CYP4F3: variants seen among roughly 807,000 people sequenced by gnomAD.
CYP4F3 encodes the protein cytochrome P450 family 4 subfamily F member 3.
A neutral mutation model predicts 54.8 loss-of-function variants in CYP4F3; 50 were observed. That is an observed-to-expected ratio of 0.91 (90% CI 0.73 to 1.16). The LOEUF is 1.16. Ranked by LOEUF, CYP4F3 falls within the 50% of genes most tolerant of loss-of-function variation. The pLI is 0.00. For synonymous variants in CYP4F3, 244 were observed against 262.6 expected (o/e 0.93, Z 0.69); for missense variants, 715 against 676.2 (o/e 1.06, Z -0.64).
intron 7 of CYP4F3, among the ~76,000 whole-genome samples, chr19:15,650,450 A>G (rs1458537355): frequency 6.6e-6 from 1 of 152,190 alleles, no homozygotes; most frequent in Non-Finnish European, 1.5e-5. Context: ...CTATATATCT[A>G]CATCTATACC....
intron 2 of CYP4F3, among the ~76,000 whole-genome samples, chr19:15,643,134 G>A (rs1972514860): frequency 6.6e-6 from 1 of 151,866 alleles, no homozygotes; most frequent in African/African-American, 2.4e-5. Context: ...AAGTTAGATA[G>A]GATGAATAGA....
chr19:15,659,544 G>A lies in CYP4F3; in HGVS notation c.*159G>A. 2 of 1,200,744 alleles carry A rather than the reference G, an allele frequency of 1.7e-6. No homozygotes were observed. Among genetic ancestry groups the A allele is most frequent in the Non-Finnish European group, 2.3e-6 (2 of 881,550 alleles). The allele number at this position is 1,200,744 out of a possible 1,614,324, so 74.4% of individuals were successfully genotyped here. A position where few individuals can be genotyped will look rare whatever the true frequency, so the allele number is the denominator to read the frequency against. On this transcript the variant is annotated 3_prime_UTR_variant, in exon 13 of 13. Transcript: ENST00000221307. The stretch of plus-strand genomic sequence containing the variant: ...AGTGTTCAAACAGAAAGACGCTTGT[G>A]CGTGAATGTTCATGGCAGCCCTATT...
intron 3 of CYP4F3, among the ~76,000 whole-genome samples, chr19:15,646,445 G>A (rs1359768056): frequency 2.0e-5 from 3 of 152,196 alleles, no homozygotes; most frequent in Admixed American, 6.5e-5. Context: ...GTGAGGAACA[G>A]TCTGGGTCAC....
intron 12 of CYP4F3, 150 bp from the exon 13 acceptor site, chr19:15,659,070 A>C: frequency 5.5e-6 from 7 of 1,261,800 alleles, no homozygotes; most frequent in Non-Finnish European, 7.6e-6. Flanking sequence ...AGGATATGCA[A>C]GCCCACATGG....
intron 3 of CYP4F3, among the ~76,000 whole-genome samples, 182 bp downstream of exon 3, chr19:15,646,045 G>T (rs548491616): frequency 6.6e-6 from 1 of 152,322 alleles, no homozygotes; most frequent in Non-Finnish European, 1.5e-5. Flanking sequence ...GTTCCTGTTT[G>T]CTCATGTCTG....
intron 2 of CYP4F3, among the ~76,000 whole-genome samples, chr19:15,642,757 T>A (rs890942107): frequency 6.6e-5 from 10 of 152,158 alleles, no homozygotes; most frequent in Middle Eastern, 6.8e-3. Flanking sequence ...ATAGGATAGA[T>A]GGATGGATGG....
chr19:15,648,379 T>TA (rs1285431081), intron 5 of CYP4F3, among the ~76,000 whole-genome samples: 3 of 151,774 alleles, frequency 2.0e-5, no homozygotes, highest in Non-Finnish European at 4.4e-5. Flanking sequence ...GCATTAGGCT[T>TA]AGGAATCTGT....
At chr19:15,654,124 G>A (rs903637208) in intron 9 of CYP4F3, among the ~76,000 whole-genome samples, 2 of 152,150 alleles carry the variant, frequency 1.3e-5, no homozygotes, top group African/African-American at 4.8e-5. Flanking sequence ...GTGGACGGGT[G>A]TCTTGGACTC....
At chr19:15,651,903 C>T (rs2683036) in intron 7 of CYP4F3, among the ~76,000 whole-genome samples, 31,942 of 152,070 alleles carry the variant, frequency 0.21, 3,669 homozygotes, top group South Asian at 0.27. Flanking sequence ...GTCTTGCTTA[C>T]GGCAATACTA....
intron 9 of CYP4F3, 148 bp from the exon 10 acceptor site, chr19:15,658,116 A>G (rs1054561057): frequency 6.6e-7 from 1 of 1,520,158 alleles, no homozygotes; most frequent in East Asian, 2.4e-5. Flanking sequence ...ACAGTGTCAC[A>G]CTGTTTTTAT....
At chr19:15,656,557 C>CTATCTATCATCTATCAATG (rs1407749608) in intron 9 of CYP4F3, among the ~76,000 whole-genome samples, 1 of 140,124 alleles carries the variant, frequency 7.1e-6, no homozygotes, top group Non-Finnish European at 1.6e-5. Flanking sequence ...TATCATTGAT[C>CTATCTATCATCTATCAATG]TATCTATCAT....
At chr19:15,647,363 G>T in intron 5 of CYP4F3, 39 bp downstream of exon 5, 4 of 1,612,806 alleles carry the variant, frequency 2.5e-6, no homozygotes, top group Non-Finnish European at 3.4e-6. Context: ...TGCAGCCTTT[G>T]GTTGGGGGGA....
rs1973200041 is a variant in CYP4F3, at chr19:15,662,297, A to AAAAAAAAAAAAAAAAAAAAAAAAG, written c.*2912_*2913insAAAAAAAAAAAAAAAAAAAAAAAG. The stretch of plus-strand genomic sequence containing the variant: ...CAAAAAAAAAAAAAAAAAAAAGGAA[A>AAAAAAAAAAAAAAAAAAAAAAAAG]GAAAGAAAGAAAAGAAAAGAAAATC... On this transcript the variant is annotated 3_prime_UTR_variant, in exon 13 of 13. Coordinates refer to ENST00000221307, the MANE Select transcript of CYP4F3 (RefSeq NM_000896.3). The AAAAAAAAAAAAAAAAAAAAAAAAG allele has an allele frequency of 6.7e-6, 1 of 149,228 alleles. No homozygotes were observed. The highest frequency in any genetic ancestry group is 2.5e-5 in the African/African-American group (1 of 40,146). The allele number at this position is 149,228 out of a possible 1,614,324, so 9.2% of individuals were successfully genotyped here.
chr19:15,641,278 C>A, intron 1 of CYP4F3, 137 bp from the exon 2 acceptor site: 1 of 1,143,070 alleles, frequency 8.7e-7, no homozygotes, highest in Non-Finnish European at 1.2e-6. Context: ...CCCTCAGCCC[C>A]TGTTTATCCA....
chr19:15,653,279 T>C (rs893646264), intron 9 of CYP4F3, among the ~76,000 whole-genome samples: 1 of 152,214 alleles, frequency 6.6e-6, no homozygotes, highest in Admixed American at 6.5e-5. Flanking sequence ...TGTCTTCACT[T>C]GTTGAATGTT....
intron 1 of CYP4F3, 183 bp from the exon 2 acceptor site, chr19:15,641,232 G>T: frequency 3.0e-6 from 2 of 675,710 alleles, no homozygotes; most frequent in Non-Finnish European, 4.9e-6. Context: ...GAGGCCACTT[G>T]GTTGCTGGTT....
At chr19:15,653,265 T>G (rs1039321181) in intron 9 of CYP4F3, among the ~76,000 whole-genome samples, 1 of 152,232 alleles carries the variant, frequency 6.6e-6, no homozygotes, top group African/African-American at 2.4e-5. Context: ...AATATTTTTT[T>G]GAATGTCTTC....
At position 15,662,429 on chromosome 19, in the gene CYP4F3, C is replaced by T. The variant is rs1416060643; in HGVS notation, c.*3044C>T. 2 of 151,834 alleles carry T rather than the reference C, an allele frequency of 1.3e-5. No homozygotes were observed. Among genetic ancestry groups the T allele is most frequent in the Admixed American group, 1.3e-4 (2 of 15,268 alleles). 9.4% of individuals were successfully genotyped at this position (151,834 alleles called of 1,614,324 possible). A position where few individuals can be genotyped will look rare whatever the true frequency, so the allele number is the denominator to read the frequency against. On this transcript the variant is annotated 3_prime_UTR_variant, in exon 13 of 13. Coordinates refer to ENST00000221307, the MANE Select transcript of CYP4F3 (RefSeq NM_000896.3). ...TCTATTCCATGTTGGACCAATACCA[C>T]ACTGCCCTAGTCACTGTTGCATTAT...
chr19:15,644,826 C>T (rs1972577362), intron 2 of CYP4F3, among the ~76,000 whole-genome samples: 1 of 152,222 alleles, frequency 6.6e-6, no homozygotes. Context: ...CAGGCAGCAT[C>T]CTACAGAGAC....
Sources: gnomAD v4.1 joint callset for allele counts (sites outside exome capture counted in the v4.1 genomes callset) on GRCh38, gnomAD v4.1.1 for gene constraint, MANE v1.5 for transcripts, NCBI Gene and HGNC (gene_info 2026-07-23, HGNC 2026-07-21) for gene names.